The following MECOM variants were observed in gnomAD, a reference collection of about 807,000 sequenced individuals.
The protein encoded by MECOM is histone-lysine N-methyltransferase MECOM.
Under a neutral mutation model 116.3 loss-of-function variants are expected in MECOM, and 13 were observed. The ratio of observed to expected loss-of-function variants is 0.11; its 90% CI spans 0.07 to 0.18. The LOEUF (loss-of-function observed/expected upper bound fraction) is 0.18, where lower values mean the gene tolerates loss of function less well. Ranked by LOEUF, MECOM falls within the 10% of genes least tolerant of loss-of-function variation. The pLI is 1.00. For synonymous variants in MECOM, 528 were observed against 535.2 expected, an observed-to-expected ratio of 0.99 and a Z score of 0.19; for missense variants, 1,299 against 1,509.0, an observed-to-expected ratio of 0.86 and a Z score of 2.31.
intron 1 of MECOM, among the ~76,000 whole-genome samples, chr3:169,553,174 A>G (rs1019024223): frequency 6.6e-6 from 1 of 152,156 alleles, no homozygotes; most frequent in Non-Finnish European, 1.5e-5. Context: ...TATCTCATTC[A>G]ATCCTCAACA....
intron 2 of MECOM, among the ~76,000 whole-genome samples, chr3:169,218,990 T>A (rs1268300789): frequency 6.6e-6 from 1 of 152,096 alleles, no homozygotes; most frequent in East Asian, 1.9e-4. Flanking sequence ...CTGAGCTATG[T>A]CATGATCTTG....
chr3:169,331,470 A>G (rs923300013), intron 2 of MECOM, among the ~76,000 whole-genome samples: 5 of 152,194 alleles, frequency 3.3e-5, no homozygotes, highest in African/African-American at 4.8e-5. Flanking sequence ...AAAAAGCAAT[A>G]AAGAGGATTT....
intron 2 of MECOM, among the ~76,000 whole-genome samples, chr3:169,205,495 A>T (rs1749798764): frequency 6.6e-6 from 1 of 152,198 alleles, no homozygotes; most frequent in South Asian, 2.1e-4. Flanking sequence ...AAGTTAAGAC[A>T]AGGCTTTCCT....
In MECOM at chr3:169,479,265, ATG is replaced by A. The variant is rs1011488385; in HGVS notation, c.38-97743_38-97742del. ...CAAGTAGGAATTCACATAGATAGGG[ATG>A]TGAGTGTGTGTGTGTGTGTGTGTGT... is the stretch of plus-strand genomic sequence containing the variant. On this transcript the variant is annotated intron_variant, in intron 1 of 16. Coordinates refer to ENST00000651503, the MANE Select transcript of MECOM (RefSeq NM_004991.4). Among the ~76,000 whole-genome samples, 60 of 125,188 alleles carry A rather than the reference ATG, an allele frequency of 4.8e-4. 1 individual carries two copies. The highest frequency in any genetic ancestry group is 1.9e-3 in the African/African-American group (59 of 31,700). 82.1% of individuals were successfully genotyped at this position (125,188 alleles called of 152,430 possible).
rs535019087 is a variant in MECOM at position 169,094,959 on chromosome 3, A to G, written c.3019+117T>C. 3.5e-5 allele frequency: 31 copies of G among 894,186 alleles called. No homozygotes were observed. In the South Asian group the frequency reaches 9.2e-4, roughly 27 times the overall value. The allele number at this position is 894,186 out of a possible 1,614,324, so 55.4% of individuals were successfully genotyped here. ...CAGAAACTTCCTGGGAATTTTTACA[A>G]TAAGACCTGATTTTGGCGTCAAAAT... On this transcript the variant is annotated intron_variant, in intron 13 of 16. Transcript: ENST00000651503.
At chr3:169,452,927 C>A (rs1304087149) in intron 1 of MECOM, among the ~76,000 whole-genome samples, 3 of 152,198 alleles carry the variant, frequency 2.0e-5, no homozygotes, top group African/African-American at 7.2e-5. Flanking sequence ...CTTTCATTCC[C>A]TAATCACTTC....
At chr3:169,452,650 C>T (rs776005630) in intron 1 of MECOM, among the ~76,000 whole-genome samples, 11 of 152,096 alleles carry the variant, frequency 7.2e-5, no homozygotes, top group South Asian at 2.1e-4. Flanking sequence ...TGCAGTTCTG[C>T]GCCGGCTTCA....
intron 1 of MECOM, among the ~76,000 whole-genome samples, chr3:169,552,277 ACT>A (rs1761498608): frequency 6.7e-6 from 1 of 149,656 alleles, no homozygotes; most frequent in East Asian, 2.1e-4. Flanking sequence ...TGTGATGAAA[ACT>A]ATTAATAGTC....
In MECOM at chr3:169,089,177, T is replaced by A; in HGVS notation, c.3408A>T (p.Lys1136Asn). The A allele has an allele frequency of 1.3e-6, 2 of 1,519,688 alleles. No homozygotes were observed. Among genetic ancestry groups the A allele is most frequent in the Non-Finnish European group, 1.8e-6 (2 of 1,137,296 alleles). The allele number at this position is 1,519,688 out of a possible 1,614,324, so 94.1% of individuals were successfully genotyped here. Residue 1136 changes from lysine to asparagine, a missense_variant, in exon 16 of 17, where the codon AAA becomes AAT. Physicochemically the swap from Lys to Asn is moderately conservative, Grantham distance 94 (BLOSUM62 0). Transcript: ENST00000651503. ...AAAGTCCACTTTTATATTCTTCCTC[T>A]TTATACCTAAAATGAACCAACGAAA... is the stretch of plus-strand genomic sequence containing the variant. ...MSCKTSPVRY[K>N]EEEYKSGLSA...
chr3:169,343,573 C>T (rs1354786445), intron 2 of MECOM, among the ~76,000 whole-genome samples: 5 of 152,138 alleles, frequency 3.3e-5, no homozygotes, highest in Non-Finnish European at 5.9e-5. Flanking sequence ...GTCTACAAAA[C>T]ATTTTGTTAA....
At chr3:169,191,774 GAAAGAA>G (rs1559974038) in intron 2 of MECOM, among the ~76,000 whole-genome samples, 3 of 138,520 alleles carry the variant, frequency 2.2e-5, no homozygotes, top group Admixed American at 7.3e-5. Context: ...AAGAAAGAAA[GAAAGAA>G]AGAAAGAAAG....
chr3:169,634,402 C>A (rs1049996291), intron 1 of MECOM, among the ~76,000 whole-genome samples: 11 of 152,196 alleles, frequency 7.2e-5, no homozygotes, highest in African/African-American at 2.2e-4. Context: ...AGGAGCATCA[C>A]AAGTAAGTTT....
At chr3:169,528,075 A>C (rs1292789392) in intron 1 of MECOM, among the ~76,000 whole-genome samples, 1 of 152,168 alleles carries the variant, frequency 6.6e-6, no homozygotes, top group Non-Finnish European at 1.5e-5. Flanking sequence ...ATGGGAACAG[A>C]CTTCCTCCTT....
At chr3:169,107,026 T>A (rs1725663447) in intron 10 of MECOM, among the ~76,000 whole-genome samples, 1 of 152,068 alleles carries the variant, frequency 6.6e-6, no homozygotes, top group South Asian at 2.1e-4. Flanking sequence ...GAATTTCTCA[T>A]AAAGAAAAAT....
At chr3:169,258,967 A>T (rs1305488919) in intron 2 of MECOM, among the ~76,000 whole-genome samples, 1 of 152,060 alleles carries the variant, frequency 6.6e-6, no homozygotes, top group Non-Finnish European at 1.5e-5. Context: ...GACTCAGGTC[A>T]CATGCTGAAC....
chr3:169,262,676 C>T (rs1381462091), intron 2 of MECOM, among the ~76,000 whole-genome samples: 1 of 152,028 alleles, frequency 6.6e-6, no homozygotes, highest in East Asian at 1.9e-4. Context: ...AAACCTGGGT[C>T]CTCAAACTCA....
At chr3:169,585,683 C>T (rs781740597) in intron 1 of MECOM, among the ~76,000 whole-genome samples, 1 of 152,210 alleles carries the variant, frequency 6.6e-6, no homozygotes, top group Non-Finnish European at 1.5e-5. Flanking sequence ...TATTCCTACC[C>T]ATCCCTTCTT....
chr3:169,561,422 C>G (rs932520187), intron 1 of MECOM, among the ~76,000 whole-genome samples: 5 of 151,984 alleles, frequency 3.3e-5, no homozygotes, highest in African/African-American at 4.8e-5. Flanking sequence ...AAGAATTTGA[C>G]CTATATGGAA....
rs6444863 is a variant in MECOM at position 169,584,361 on chromosome 3, A to G, written c.37+78975T>C. 6.3e-3 allele frequency among the ~76,000 whole-genome samples: 957 copies of G among 150,980 alleles called. 4 individuals carry two copies. Among genetic ancestry groups the G allele is most frequent in the Middle Eastern group, 0.01 (3 of 290 alleles). ...CGGGCGGATCACGAGGTCTGGAGAT[A>G]GAGACCATCTTGGCTAACACGGTGA... On this transcript the variant is annotated intron_variant, in intron 1 of 16. Transcript: ENST00000651503.
Sources: allele counts gnomAD v4.1 joint callset (sites outside exome capture counted in the v4.1 genomes callset), GRCh38; gene constraint gnomAD v4.1.1; transcripts MANE v1.5; gene names NCBI Gene and HGNC (gene_info 2026-07-23, HGNC 2026-07-21).